PIK3IP1: variants seen among roughly 807,000 people sequenced by gnomAD.
PIK3IP1 encodes the protein phosphoinositide-3-kinase interacting protein 1, also known as phosphoinositide-3-kinase-interacting protein 1.
A neutral mutation model predicts 30.7 loss-of-function variants in PIK3IP1; 28 were observed. The observed-to-expected ratio is 0.91, with a 90% confidence interval of 0.68 to 1.25. PIK3IP1 has a LOEUF of 1.25. Ranked by LOEUF, PIK3IP1 falls within the 50% of genes most tolerant of loss-of-function variation. The probability of loss-of-function intolerance (pLI) is 0.00; values close to 1 mark genes in which losing one functional copy is unlikely to be tolerated. For synonymous variants in PIK3IP1, 159 were observed against 140.8 expected (o/e 1.13, Z -0.91); for missense variants, 333 against 346.2 (o/e 0.96, Z 0.30).
At chr22:31,286,229 G>C (rs895600291) in intron 5 of PIK3IP1, among the ~76,000 whole-genome samples, 1 of 151,988 alleles carries the variant, frequency 6.6e-6, no homozygotes, top group Non-Finnish European at 1.5e-5. Flanking sequence ...AATAAATGTT[G>C]GCTGCTATTG....
chr22:31,291,868 A>G (rs568264801), intron 1 of PIK3IP1, among the ~76,000 whole-genome samples: 1 of 152,320 alleles, frequency 6.6e-6, no homozygotes, highest in Non-Finnish European at 1.5e-5. Flanking sequence ...AAGATTCAAG[A>G]CAGCCTCAAA....
downstream of PIK3IP1, chr22:31,281,597 G>A (rs2049089618): frequency 7.9e-6 from 1 of 126,258 alleles, no homozygotes; most frequent in Admixed American, 7.6e-5. Flanking sequence ...GCAATGTGGA[G>A]TCTTTTTTTT....
chr22:31,284,377 G>A (rs947138040), intron 5 of PIK3IP1, among the ~76,000 whole-genome samples: 5 of 152,248 alleles, frequency 3.3e-5, no homozygotes, highest in African/African-American at 1.2e-4. Context: ...AGGCAGAGCA[G>A]GGCTGGAAGA....
At chr22:31,283,322 A>G (rs758897362) in intron 5 of PIK3IP1, 34 bp from the exon 6 acceptor site, 5 of 1,609,946 alleles carry the variant, frequency 3.1e-6, no homozygotes, top group Non-Finnish European at 2.5e-6. Flanking sequence ...CATTCAGGCT[A>G]TGCCTCCTGC....
At chr22:31,285,116 C>T (rs1007761488) in intron 5 of PIK3IP1, among the ~76,000 whole-genome samples, 1 of 151,994 alleles carries the variant, frequency 6.6e-6, no homozygotes, top group Non-Finnish European at 1.5e-5. Flanking sequence ...GCACCACAGA[C>T]CTCATTCAGA....
chr22:31,289,665 T>C lies in PIK3IP1; in HGVS notation c.342A>G (p.Thr114=). The stretch of plus-strand genomic sequence containing the variant: ...GCCCTTCAGACGCTTCCTGGATTTC[T>C]GTCGTGAAGGCTGGCAGGGCCTGGG... The part of the protein sequence containing the change: ...TTSQALPAFT[T]EIQEASEGPG... Residue 114 remains threonine, a synonymous_variant, in exon 4 of 6, where the codon ACA becomes ACG. Coordinates refer to ENST00000215912, the MANE Select transcript of PIK3IP1 (RefSeq NM_052880.5). The C allele has an allele frequency of 6.4e-7, 1 of 1,553,662 alleles. No individual in the cohort carries two copies. Among genetic ancestry groups the C allele is most frequent in the Non-Finnish European group, 8.7e-7 (1 of 1,147,728 alleles).
chr22:31,291,419 C>T lies in PIK3IP1; in HGVS notation c.71-123G>A, dbSNP rs2049177883. On this transcript the variant is annotated intron_variant, in intron 1 of 5. Transcript: ENST00000215912. ...CTCAGCCTGGTTAGGGGACCCCGGG[C>T]CCTGCTGGGCCTCCCTCTCCTCTCG... 6.8e-6 allele frequency: 6 copies of T among 878,002 alleles called. No homozygotes were observed. In the Admixed American group the frequency reaches 1.1e-4, roughly 16 times the overall value. The allele number at this position is 878,002 out of a possible 1,614,324, so 54.4% of individuals were successfully genotyped here.
chr22:31,292,498 C>G (rs1370733322), upstream of PIK3IP1: 28 of 626,276 alleles, frequency 4.5e-5, no homozygotes, highest in East Asian at 7.4e-4. Flanking sequence ...TGGGAGCTTC[C>G]CAGCTAGCTT....
At chr22:31,284,230 CTG>C (rs1272321931) in intron 5 of PIK3IP1, among the ~76,000 whole-genome samples, 6 of 152,218 alleles carry the variant, frequency 3.9e-5, no homozygotes, top group African/African-American at 1.4e-4. Flanking sequence ...GATGAAGAAA[CTG>C]AGGCTTTTGA....
intron 4 of PIK3IP1, 29 bp from the exon 5 acceptor site, chr22:31,289,422 T>G: frequency 6.3e-7 from 1 of 1,586,342 alleles, no homozygotes; most frequent in African/African-American, 1.3e-5. Context: ...AAGGTCCCAT[T>G]AGCCACACCC....
chr22:31,286,603 C>T (rs1316145628), intron 5 of PIK3IP1, among the ~76,000 whole-genome samples: 2 of 152,156 alleles, frequency 1.3e-5, no homozygotes, highest in Admixed American at 6.5e-5. Flanking sequence ...AGGGCAGTCT[C>T]GTGACAGCCT....
chr22:31,291,339 G>A, intron 1 of PIK3IP1, 43 bp from the exon 2 acceptor site: 1 of 1,532,678 alleles, frequency 6.5e-7, no homozygotes, highest in Non-Finnish European at 8.8e-7. Context: ...AGCGGGCAGC[G>A]AACGGAAGAC....
At chr22:31,289,869 C>T (rs2049160379) in intron 3 of PIK3IP1, 170 bp from the exon 4 acceptor site, 2 of 639,312 alleles carry the variant, frequency 3.1e-6, no homozygotes, top group Admixed American at 2.9e-5. Flanking sequence ...CCTGAGAGGG[C>T]TGAACCATCT....
At chr22:31,290,814 C>T (rs955404990) in intron 3 of PIK3IP1, 151 bp downstream of exon 3, 6 of 1,197,836 alleles carry the variant, frequency 5.0e-6, no homozygotes, top group Middle Eastern at 3.0e-4. Flanking sequence ...AGGCTTTGAG[C>T]CCCGCGGCCT....
chr22:31,290,846 G>T, intron 3 of PIK3IP1, 119 bp downstream of exon 3: 1 of 1,381,254 alleles, frequency 7.2e-7, no homozygotes. Flanking sequence ...TGGCCAATCG[G>T]ACGGCGCGGA....
intron 3 of PIK3IP1, chr22:31,290,275 G>A (rs1601462541): frequency 6.6e-6 from 1 of 152,360 alleles, no homozygotes; most frequent in African/African-American, 2.4e-5. Flanking sequence ...TGTTATCCCA[G>A]CTACTCAAGC....
intron 1 of PIK3IP1, among the ~76,000 whole-genome samples, 163 bp downstream of exon 1, chr22:31,292,112 G>C (rs1287689359): frequency 6.6e-6 from 1 of 152,234 alleles, no homozygotes; most frequent in Non-Finnish European, 1.5e-5. Context: ...AGATGGAGCT[G>C]CAAGCCCCTG....
At position 31,282,966 on chromosome 22, in the gene PIK3IP1, A is replaced by C; in HGVS notation, c.*118T>G. ...CTGTCACTCTTACTAGGATTCGCCA[A>C]AAAAGCGGGGGAGTGGTAGGGTTTT... On this transcript the variant is annotated 3_prime_UTR_variant, in exon 6 of 6. Transcript: ENST00000215912. The C allele has an allele frequency of 1.3e-6, 1 of 792,534 alleles. No individual in the cohort carries two copies. The highest frequency in any genetic ancestry group is 2.0e-6 in the Non-Finnish European group (1 of 507,044). 49.1% of individuals were successfully genotyped at this position (792,534 alleles called of 1,614,324 possible).
intron 3 of PIK3IP1, chr22:31,290,297 G>A (rs889752623): frequency 1.3e-5 from 2 of 152,354 alleles, no homozygotes; most frequent in African/African-American, 4.8e-5. Context: ...GCTGAGGCAG[G>A]AGAATCACTG....
Sources: gnomAD v4.1 joint callset for allele counts (sites outside exome capture counted in the v4.1 genomes callset) on GRCh38, gnomAD v4.1.1 for gene constraint, MANE v1.5 for transcripts, NCBI Gene and HGNC (gene_info 2026-07-23, HGNC 2026-07-21) for gene names.